PITPNM3: variants seen among roughly 807,000 people sequenced by gnomAD.
The protein encoded by PITPNM3 is PITPNM family member 3, also known as membrane-associated phosphatidylinositol transfer protein 3.
Under a neutral mutation model 102.0 loss-of-function variants are expected in PITPNM3, and 26 were observed. The observed-to-expected ratio is 0.25, with a 90% CI of 0.19 to 0.35. PITPNM3 has a LOEUF of 0.35. Among genes scored for constraint, PITPNM3 ranks in the 10% least tolerant of loss-of-function variants. The pLI, the probability that PITPNM3 is intolerant of heterozygous loss-of-function variation, is 1.00. For synonymous variants in PITPNM3, 578 were observed against 558.6 expected, an observed-to-expected ratio of 1.03 and a Z score of -0.49; for missense variants, 1,083 against 1,346.1, an observed-to-expected ratio of 0.80 and a Z score of 3.06.
At chr17:6,545,022 GCCTCCTCCGTGCCT>G (rs1232628566) in intron 1 of PITPNM3, among the ~76,000 whole-genome samples, 1 of 152,098 alleles carries the variant, frequency 6.6e-6, no homozygotes, top group African/African-American at 2.4e-5. Flanking sequence ...GTCAAGCCCC[GCCTCCTCCGTGCCT>G]CCTCCTCCCT....
Position 6,461,649 on chromosome 17 carries a change from C to T in PITPNM3, c.2307-93G>A, listed in dbSNP as rs1028758978. 3.4e-5 allele frequency: 49 copies of T among 1,437,172 alleles called. No individual in the cohort carries two copies. The East Asian group carries it at 5.7e-4, about 17-fold the overall frequency. 89.0% of individuals were successfully genotyped at this position (1,437,172 alleles called of 1,614,324 possible). A position where few individuals can be genotyped will look rare whatever the true frequency, so the allele number is the denominator to read the frequency against. The stretch of plus-strand genomic sequence containing the variant: ...CCTGCCCGCAGCTGCCCTCCTGAGA[C>T]GTCAGAGGGACGAGTCTGAGGCGTG... On this transcript the variant is annotated intron_variant, in intron 17 of 19. Coordinates refer to ENST00000262483, the MANE Select transcript of PITPNM3 (RefSeq NM_031220.4).
intron 2 of PITPNM3, among the ~76,000 whole-genome samples, chr17:6,527,160 A>G (rs1178834536): frequency 6.6e-6 from 1 of 152,268 alleles, no homozygotes; most frequent in East Asian, 1.9e-4. Context: ...GTGGGGACAA[A>G]TAATATAGCA....
chr17:6,507,506 C>T lies in PITPNM3; in HGVS notation c.227-3932G>A, dbSNP rs142334669. Among the ~76,000 whole-genome samples, 50 of 152,260 alleles carry T rather than the reference C, an allele frequency of 3.3e-4. 1 individual carries two copies. In the East Asian group the frequency reaches 9.5e-3, roughly 29 times the overall value. On this transcript the variant is annotated intron_variant, in intron 3 of 19. Transcript: ENST00000262483. Reference sequence around the variant, plus strand: ...GGCTGAGGCAGGAGAATCACTTGAACCCAGGAGGCAGGGGTAGCAGTGAGC... The same window carrying T: ...GGCTGAGGCAGGAGAATCACTTGAATCCAGGAGGCAGGGGTAGCAGTGAGC...
Position 6,474,448 on chromosome 17 carries a change from C to T in PITPNM3, c.1242G>A (p.Val414=). ...CATCCCTACCGTCCAGCCCAGGCAGCACCGTCCTCCGCATGGCCAGGACCA... is the reference window on the plus strand; with the variant it reads ...CATCCCTACCGTCCAGCCCAGGCAGTACCGTCCTCCGCATGGCCAGGACCA... ...LGLVLAMRRT[V]LPGLDGFQVR... The change falls in exon 10 of 20, where the codon GTG becomes GTA. Residue 414 remains valine, a synonymous_variant. Transcript: ENST00000262483. 1 of 1,613,462 alleles carries T rather than the reference C, an allele frequency of 6.2e-7. No individual in the cohort carries two copies. The highest frequency in any genetic ancestry group is 8.5e-7 in the Non-Finnish European group (1 of 1,179,956).
Position 6,552,049 on chromosome 17 carries a change from G to A in PITPNM3, c.22+4336C>T, listed in dbSNP as rs545628251. Among the ~76,000 whole-genome samples, 8 of 152,250 alleles carry A rather than the reference G, an allele frequency of 5.3e-5. No individual in the cohort carries two copies. In the East Asian group the frequency reaches 9.7e-4, roughly 18 times the overall value. On this transcript the variant is annotated intron_variant, in intron 1 of 19. Coordinates refer to ENST00000262483, the MANE Select transcript of PITPNM3 (RefSeq NM_031220.4). ...AACGAGGACTTGGAACATGAGTATCGAAATGTTCCCTCCCATCCTAACACC... is the reference window on the plus strand; with the variant it reads ...AACGAGGACTTGGAACATGAGTATCAAAATGTTCCCTCCCATCCTAACACC...
intron 1 of PITPNM3, among the ~76,000 whole-genome samples, chr17:6,546,296 G>A (rs950309715): frequency 2.0e-5 from 3 of 152,234 alleles, no homozygotes; most frequent in Non-Finnish European, 4.4e-5. Context: ...CTATCTGCCC[G>A]AGTACGCTGC....
At chr17:6,539,092 A>C (rs1004258699) in intron 1 of PITPNM3, among the ~76,000 whole-genome samples, 2 of 152,202 alleles carry the variant, frequency 1.3e-5, no homozygotes, top group African/African-American at 4.8e-5. Context: ...TTTGTGCTTC[A>C]TGGCTTGGAG....
intron 1 of PITPNM3, among the ~76,000 whole-genome samples, chr17:6,541,068 A>G (rs1909706661): frequency 6.6e-6 from 1 of 152,350 alleles, no homozygotes; most frequent in Middle Eastern, 3.4e-3. Context: ...CCTCAGTTAT[A>G]TACCTGCAAA....
chr17:6,547,717 G>C (rs1478624253), intron 1 of PITPNM3, among the ~76,000 whole-genome samples: 5 of 151,898 alleles, frequency 3.3e-5, no homozygotes, highest in Admixed American at 3.3e-4. Flanking sequence ...AAGGACGCTG[G>C]GGTCTCTTTT....
intron 3 of PITPNM3, among the ~76,000 whole-genome samples, chr17:6,518,823 G>A (rs1422472691): frequency 6.6e-6 from 1 of 152,148 alleles, no homozygotes; most frequent in Non-Finnish European, 1.5e-5. Flanking sequence ...ACTTTCGGAA[G>A]TTAATTGTTT....
At position 6,457,452 on chromosome 17, in the gene PITPNM3, C is replaced by G; in HGVS notation, c.2619+142G>C. 5.1e-6 allele frequency: 7 copies of G among 1,385,618 alleles called. No homozygotes were observed. Among genetic ancestry groups the G allele is most frequent in the Non-Finnish European group, 6.9e-6 (7 of 1,020,054 alleles). The allele number at this position is 1,385,618 out of a possible 1,614,324, so 85.8% of individuals were successfully genotyped here. A position where few individuals can be genotyped will look rare whatever the true frequency, so the allele number is the denominator to read the frequency against. On this transcript the variant is annotated intron_variant, in intron 19 of 19. Coordinates refer to ENST00000262483, the MANE Select transcript of PITPNM3 (RefSeq NM_031220.4). The surrounding 1 kb of genome is among the most constrained non-coding windows in gnomAD (Gnocchi z 4.7). ...CACAGGCCCTGGCCCAAGGCAGGCA[C>G]CCCGAAGTGTTTGTTGAATAAATGA... is the stretch of plus-strand genomic sequence containing the variant.
intron 3 of PITPNM3, among the ~76,000 whole-genome samples, chr17:6,508,821 T>TG (rs1567681469): frequency 6.6e-6 from 1 of 152,128 alleles, no homozygotes; most frequent in Non-Finnish European, 1.5e-5. Context: ...AAGCCGGGCT[T>TG]GCCTGCCCAG....
intron 6 of PITPNM3, chr17:6,480,955 G>C (rs894810934): frequency 1.9e-4 from 29 of 152,334 alleles, no homozygotes; most frequent in African/African-American, 7.0e-4. Flanking sequence ...CCCACAGTGG[G>C]CAAGGATGTG....
intron 1 of PITPNM3, among the ~76,000 whole-genome samples, chr17:6,549,347 C>A (rs1187541121): frequency 6.6e-6 from 1 of 152,250 alleles, no homozygotes; most frequent in African/African-American, 2.4e-5. Context: ...TGACAGTGAC[C>A]ACACAGGCTT....
chr17:6,464,025 G>A (rs1365160953), intron 16 of PITPNM3, 144 bp from the exon 17 acceptor site: 4 of 1,536,742 alleles, frequency 2.6e-6, no homozygotes, highest in Non-Finnish European at 3.6e-6. Flanking sequence ...TGCCACGGCT[G>A]GTGACCTCTC....
At chr17:6,545,680 ACCC>A (rs1909982510) in intron 1 of PITPNM3, among the ~76,000 whole-genome samples, 1 of 150,392 alleles carries the variant, frequency 6.6e-6, no homozygotes, top group East Asian at 2.0e-4. Flanking sequence ...TCCCCATCCC[ACCC>A]CCAATTCCTA....
chr17:6,495,497 T>A (rs1040798654), intron 4 of PITPNM3, among the ~76,000 whole-genome samples: 1 of 152,074 alleles, frequency 6.6e-6, no homozygotes, highest in Non-Finnish European at 1.5e-5. Flanking sequence ...CCTTCGCAAC[T>A]CCAGGAAGAT....
At position 6,535,690 on chromosome 17, in the gene PITPNM3, A is replaced by G. The variant is rs1321793796; in HGVS notation, c.118+2297T>C. 3.6e-4 allele frequency among the ~76,000 whole-genome samples: 55 copies of G among 151,800 alleles called. 2 individuals carry two copies. In the East Asian group the frequency reaches 7.8e-3, roughly 21 times the overall value. Reference sequence around the variant, plus strand: ...TCCCAGCACTTTGGGAGGCCAAGGCAGGCAGATCACTTGAGGTAAGGAGTT... The same window carrying G: ...TCCCAGCACTTTGGGAGGCCAAGGCGGGCAGATCACTTGAGGTAAGGAGTT... On this transcript the variant is annotated intron_variant, in intron 2 of 19. Transcript: ENST00000262483.
intron 1 of PITPNM3, among the ~76,000 whole-genome samples, chr17:6,541,425 G>A (rs1219312490): frequency 6.6e-6 from 1 of 151,986 alleles, no homozygotes; most frequent in Admixed American, 6.6e-5. Context: ...GTATGAGCTT[G>A]GTGTGTCCAA....
Sources: allele counts gnomAD v4.1 joint callset (sites outside exome capture counted in the v4.1 genomes callset), GRCh38; gene constraint gnomAD v4.1.1; non-coding constraint Gnocchi (gnomAD v3.1); transcripts MANE v1.5; gene names NCBI Gene and HGNC (gene_info 2026-07-23, HGNC 2026-07-21).